Variants in RCN1 observed in about 807,000 individuals in gnomAD.
RCN1 encodes the protein reticulocalbin-1.
In RCN1, 14 loss-of-function variants were observed where a neutral mutation model predicts 34.7. The observed-to-expected ratio is 0.40, with a 90% CI of 0.27 to 0.63. The LOEUF (loss-of-function observed/expected upper bound fraction) is 0.63, where lower values mean the gene tolerates loss of function less well. Ranked by LOEUF, RCN1 falls within the 30% of genes least tolerant of loss-of-function variation. RCN1 has a pLI of 0.37. For synonymous variants in RCN1, 125 were observed against 165.5 expected, an observed-to-expected ratio of 0.76 and a Z score of 1.88; for missense variants, 326 against 425.1, an observed-to-expected ratio of 0.77 and a Z score of 2.05.
chr11:32,091,254 C>T lies in RCN1; in HGVS notation c.58C>T (p.Leu20=). ...LGLALGLLLA[L]VLAPRVLRAK... is the part of the protein sequence containing the mutation. ...GTTAGCCCTGGGGCTGCTGCTGGCG[C>T]TGGTGCTGGCGCCGCGGGTTCTGCG... The change falls in exon 1 of 6, where the codon CTG becomes TTG. Residue 20 remains leucine (L), a synonymous_variant. Transcript: ENST00000054950. 1 of 1,535,508 alleles carries T rather than the reference C, an allele frequency of 6.5e-7. No individual in the cohort carries two copies. The highest frequency in any genetic ancestry group is 8.8e-7 in the Non-Finnish European group (1 of 1,141,126).
intron 1 of RCN1, among the ~76,000 whole-genome samples, chr11:32,095,657 C>T (rs188451631): frequency 6.6e-6 from 1 of 152,268 alleles, no homozygotes; most frequent in Non-Finnish European, 1.5e-5. Context: ...ATCCACCTGC[C>T]TCGGCCTCCC....
chr11:32,093,842 C>G (rs913556290), intron 1 of RCN1, among the ~76,000 whole-genome samples: 4 of 152,192 alleles, frequency 2.6e-5, no homozygotes, highest in African/African-American at 9.7e-5. Flanking sequence ...AAGGCACAGA[C>G]TAGACCAGTG....
At chr11:32,097,088 A>G (rs1347601760) in intron 1 of RCN1, 56 bp from the exon 2 acceptor site, 15 of 1,378,386 alleles carry the variant, frequency 1.1e-5, no homozygotes, top group East Asian at 2.6e-5. Context: ...AGCCTTGATA[A>G]TATAACAGCC....
rs1316363606 is a variant in RCN1, at chr11:32,097,226, A to C, written c.337A>C (p.Lys113Gln). Residue 113 changes from lysine to glutamine, a missense_variant, in exon 2 of 6, where the codon AAA becomes CAA. Transcript: ENST00000054950. ...GAAAACCTGGATCAAACGGGTGCAG[A>C]AAAGATACATCTTTGATAATGTCGC... is the stretch of plus-strand genomic sequence containing the variant. Reference protein sequence around the residue: ...ELKTWIKRVQKRYIFDNVAKV... With the variant: ...ELKTWIKRVQQRYIFDNVAKV... The C allele has an allele frequency of 6.2e-7, 1 of 1,608,424 alleles. No homozygotes were observed. Among genetic ancestry groups the C allele is most frequent in the African/African-American group, 1.3e-5 (1 of 74,550 alleles).
chr11:32,091,525 T>G, intron 1 of RCN1, 75 bp downstream of exon 1: 2 of 1,489,818 alleles, frequency 1.3e-6, no homozygotes, highest in South Asian at 1.3e-5. Context: ...CCACGCGGGA[T>G]ACCACCGCCA....
chr11:32,093,256 C>T (rs1354423521), intron 1 of RCN1, among the ~76,000 whole-genome samples: 1 of 152,220 alleles, frequency 6.6e-6, no homozygotes, highest in Non-Finnish European at 1.5e-5. Context: ...TGTATCAACA[C>T]CTTGACTTCA....
chr11:32,105,338 G>A lies in RCN1; in HGVS notation c.*866G>A, dbSNP rs138072200. 1,053 of 157,164 alleles carry A rather than the reference G, an allele frequency of 6.7e-3. 16 individuals are homozygous for A. The highest frequency in any genetic ancestry group is 3.9e-3 in the Non-Finnish European group (266 of 68,068). The allele number at this position is 157,164 out of a possible 1,614,324, so 9.7% of individuals were successfully genotyped here. On this transcript the variant is annotated 3_prime_UTR_variant, in exon 6 of 6. Coordinates refer to ENST00000054950, the MANE Select transcript of RCN1 (RefSeq NM_002901.4). ...GGATCCTTGGGAAGCCAAACGGAGCGGAGTTCTGGATCATGTCCCATCCAG... is the reference window on the plus strand; with the variant it reads ...GGATCCTTGGGAAGCCAAACGGAGCAGAGTTCTGGATCATGTCCCATCCAG...
intron 1 of RCN1, 193 bp from the exon 2 acceptor site, chr11:32,096,951 A>C (rs1407738072): frequency 1.5e-5 from 8 of 532,320 alleles, no homozygotes. Flanking sequence ...GGGGGAAAGC[A>C]CATCAACCTT....
At chr11:32,095,100 A>T (rs566901854) in intron 1 of RCN1, among the ~76,000 whole-genome samples, 13 of 152,274 alleles carry the variant, frequency 8.5e-5, no homozygotes, top group Non-Finnish European at 1.9e-4. Context: ...ACCCACTGGC[A>T]TGTCTCCACT....
intron 1 of RCN1, 24 bp from the exon 2 acceptor site, chr11:32,097,119 CT>C (rs374577571): frequency 0.2 from 229,127 of 1,173,170 alleles, 2 homozygotes; most frequent in Middle Eastern, 0.23. Context: ...GTGTGGGTTT[CT>C]TTTTTTTTTT....
rs765655039 is a variant in RCN1 at position 32,103,325 on chromosome 11, GTTT to G, written c.735_737del (p.Leu246del). On this transcript the variant is annotated inframe_deletion, in exon 5 of 6. Coordinates refer to ENST00000054950, the MANE Select transcript of RCN1 (RefSeq NM_002901.4). ...GGAGAATGGCCCTGAGCCAGACTGG[GTTT>G]TATCAGAACGGGAGCAGTTTAACGA... 6.2e-7 allele frequency: 1 copy of G among 1,614,090 alleles called. No homozygotes were observed. Among genetic ancestry groups the G allele is most frequent in the East Asian group, 2.2e-5 (1 of 44,884 alleles).
rs1196741242 is a variant in RCN1 at position 32,091,370 on chromosome 11, C to T, written c.174C>T (p.Tyr58=). 2.6e-6 allele frequency: 4 copies of T among 1,549,636 alleles called. No individual in the cohort carries two copies. The highest frequency in any genetic ancestry group is 2.4e-5 in the South Asian group (2 of 83,936). The change falls in exon 1 of 6, where the codon TAC becomes TAT. Residue 58 remains tyrosine, a synonymous_variant. Coordinates refer to ENST00000054950, the MANE Select transcript of RCN1 (RefSeq NM_002901.4). ...RPPEDNQSFQ[Y]DHEAFLGKED... ...CTGAGGACAACCAGAGCTTCCAGTA[C>T]GACCACGAGGCCTTCCTGGGCAAGG...
In RCN1 at chr11:32,104,403, G is replaced by T. The variant is rs778290089; in HGVS notation, c.927G>T (p.Trp309Cys). The change falls in exon 6 of 6, where the codon TGG becomes TGT. Residue 309 changes from tryptophan to cysteine, a missense_variant. Trp to Cys is a radical substitution (Grantham distance 215). Coordinates refer to ENST00000054950, the MANE Select transcript of RCN1 (RefSeq NM_002901.4). ...CTAAAGAGGAAATATTGGAGAACTG[G>T]AACATGTTTGTCGGAAGCCAAGCTA... ...KLTKEEILENWNMFVGSQATN... is the reference protein window; with the variant it reads ...KLTKEEILENCNMFVGSQATN... 1 of 1,579,598 alleles carries T rather than the reference G, an allele frequency of 6.3e-7. No homozygotes were observed. The highest frequency in any genetic ancestry group is 8.7e-7 in the Non-Finnish European group (1 of 1,149,960).
At chr11:32,091,655 C>T in intron 1 of RCN1, 1 of 607,438 alleles carries the variant, frequency 1.6e-6, no homozygotes, top group Non-Finnish European at 2.6e-6. Context: ...GCCGCCGCCG[C>T]GCCCCGGCCG....
At chr11:32,095,900 G>A (rs929696709) in intron 1 of RCN1, among the ~76,000 whole-genome samples, 1 of 152,082 alleles carries the variant, frequency 6.6e-6, no homozygotes, top group Non-Finnish European at 1.5e-5. Context: ...TCAAGCTGTT[G>A]GTGATGTTTA....
At chr11:32,097,924 G>C (rs181006630) in intron 2 of RCN1, among the ~76,000 whole-genome samples, 1 of 152,324 alleles carries the variant, frequency 6.6e-6, no homozygotes, top group African/African-American at 2.4e-5. Context: ...GGTTGGCAAA[G>C]AAACAGGCCC....
At chr11:32,097,391 T>C (rs371822599) in intron 2 of RCN1, 54 bp downstream of exon 2, 2 of 1,288,500 alleles carry the variant, frequency 1.6e-6, no homozygotes, top group African/African-American at 1.5e-5. Context: ...CACAAGCTTT[T>C]TGTAGACTCT....
In RCN1 at chr11:32,091,153, C is replaced by G; in HGVS notation, c.-44C>G. The stretch of plus-strand genomic sequence containing the variant: ...CCCATTCCCGAGCTGCCGCTGTTGT[C>G]GCTCGCTCAGCGTCTCCCTCTCGGC... On this transcript the variant is annotated 5_prime_UTR_variant, in exon 1 of 6. Coordinates refer to ENST00000054950, the MANE Select transcript of RCN1 (RefSeq NM_002901.4). 7.2e-7 allele frequency: 1 copy of G among 1,386,782 alleles called. No individual in the cohort carries two copies. The highest frequency in any genetic ancestry group is 9.3e-7 in the Non-Finnish European group (1 of 1,078,066). 85.9% of individuals were successfully genotyped at this position (1,386,782 alleles called of 1,614,324 possible).
At chr11:32,100,668 C>T (rs543836422) in intron 4 of RCN1, 60 bp downstream of exon 4, 25 of 1,356,826 alleles carry the variant, frequency 1.8e-5, no homozygotes, top group South Asian at 7.1e-5. Flanking sequence ...ACCCCACCCA[C>T]ACGTCTGGCT....
Sources: gnomAD v4.1 joint callset for allele counts (sites outside exome capture counted in the v4.1 genomes callset) on GRCh38, gnomAD v4.1.1 for gene constraint, MANE v1.5 for transcripts, NCBI Gene and HGNC (gene_info 2026-07-23, HGNC 2026-07-21) for gene names.